Variants in EPN1 observed in about 807,000 individuals in gnomAD.
The protein encoded by EPN1 is epsin 1, also known as epsin-1.
EPN1 carries 25 observed loss-of-function variants against 56.9 expected under a neutral mutation model. That is an observed-to-expected ratio of 0.44 (90% CI 0.32 to 0.61). The LOEUF is 0.61. Among genes scored for constraint, EPN1 ranks in the 20% least tolerant of loss-of-function variants. The probability of loss-of-function intolerance (pLI) is 0.05; values close to 1 mark genes in which losing one functional copy is unlikely to be tolerated. For missense variants in EPN1, 785 were observed against 823.7 expected, an observed-to-expected ratio of 0.95 and a Z score of 0.58; for synonymous variants, 411 against 361.8, an observed-to-expected ratio of 1.14 and a Z score of -1.54.
Position 55,700,959 on chromosome 19 carries a change from G to T in EPN1, c.*5603G>T, listed in dbSNP as rs1463940629. ...CATCCGCAGGGGAGGCAAGCTTAGGGCATCACGTCCAGGAGTGGCCAGGTC... is the reference window on the plus strand; with the variant it reads ...CATCCGCAGGGGAGGCAAGCTTAGGTCATCACGTCCAGGAGTGGCCAGGTC... On this transcript the variant is annotated 3_prime_UTR_variant, in exon 11 of 11. Coordinates refer to ENST00000270460, the MANE Select transcript of EPN1 (RefSeq NM_001130072.2). The T allele has an allele frequency of 6.6e-6, 1 of 152,262 alleles. No homozygotes were observed. Among genetic ancestry groups the T allele is most frequent in the East Asian group, 1.9e-4 (1 of 5,182 alleles). 9.4% of individuals were successfully genotyped at this position (152,262 alleles called of 1,614,324 possible).
At position 55,697,869 on chromosome 19, in the gene EPN1, CTCTT is replaced by C. The variant is rs1986971868; in HGVS notation, c.*2517_*2520del. On this transcript the variant is annotated 3_prime_UTR_variant, in exon 11 of 11. Transcript: ENST00000270460. ...GGCTCCCCCCACTGTGTGTGTATCA[CTCTT>C]TCTACAGCAGATGTGTCTCTCTCCC... 1 of 152,170 alleles carries C rather than the reference CTCTT, an allele frequency of 6.6e-6. No homozygotes were observed. 9.4% of individuals were successfully genotyped at this position (152,170 alleles called of 1,614,324 possible). A position where few individuals can be genotyped will look rare whatever the true frequency, so the allele number is the denominator to read the frequency against.
At chr19:55,683,877 T>A (rs1985992902) in intron 2 of EPN1, among the ~76,000 whole-genome samples, 1 of 152,246 alleles carries the variant, frequency 6.6e-6, no homozygotes, top group Non-Finnish European at 1.5e-5. Flanking sequence ...TGGTGTCTGT[T>A]GGTCCCACAG....
At position 55,703,489 on chromosome 19, in the gene EPN1, A is replaced by G. The variant is rs1290472079; in HGVS notation, c.*8133A>G. On this transcript the variant is annotated 3_prime_UTR_variant, in exon 11 of 11. Transcript: ENST00000270460. ...CAGGTGCCCGCCACCACGCCCAGCT[A>G]ATTTTTGTATTTTTAGTAGAGACGG... 6.6e-6 allele frequency: 1 copy of G among 152,008 alleles called. No individual in the cohort carries two copies. Among genetic ancestry groups the G allele is most frequent in the Non-Finnish European group, 1.5e-5 (1 of 68,044 alleles). The allele number at this position is 152,008 out of a possible 1,614,324, so 9.4% of individuals were successfully genotyped here.
At position 55,700,410 on chromosome 19, in the gene EPN1, CGTG is replaced by C. The variant is rs1987086348; in HGVS notation, c.*5055_*5057del. The stretch of plus-strand genomic sequence containing the variant: ...TTCTCCTGACTTGGGACTACAGGTG[CGTG>C]CGACCACAGCCAACTCATTTTTCTG... On this transcript the variant is annotated 3_prime_UTR_variant, in exon 11 of 11. Transcript: ENST00000270460. The C allele has an allele frequency of 6.7e-6, 1 of 150,226 alleles. No homozygotes were observed. The highest frequency in any genetic ancestry group is 2.5e-5 in the African/African-American group (1 of 39,578). The allele number at this position is 150,226 out of a possible 1,614,324, so 9.3% of individuals were successfully genotyped here. A position where few individuals can be genotyped will look rare whatever the true frequency, so the allele number is the denominator to read the frequency against.
chr19:55,705,814 T>TATATATATATATATTTAGAGTGTTGTGGG lies in EPN1; in HGVS notation c.*10479_*10507dup, dbSNP rs933183153. ...GGAATATTTGTTGTTGTGGGATATA[T>TATATATATATATATTTAGAGTGTTGTGGG]ATATATATATATATTTAGAGTGTTG... On this transcript the variant is annotated 3_prime_UTR_variant, in exon 11 of 11. Transcript: ENST00000270460. 5 of 120,974 alleles carry TATATATATATATATTTAGAGTGTTGTGGG rather than the reference T, an allele frequency of 4.1e-5. No homozygotes were observed. Among genetic ancestry groups the TATATATATATATATTTAGAGTGTTGTGGG allele is most frequent in the Non-Finnish European group, 8.3e-5 (5 of 59,886 alleles). 7.5% of individuals were successfully genotyped at this position (120,974 alleles called of 1,614,324 possible).
At chr19:55,690,429 G>A (rs1600105907) in intron 6 of EPN1, among the ~76,000 whole-genome samples, 1 of 152,276 alleles carries the variant, frequency 6.6e-6, no homozygotes. Flanking sequence ...ATGCTCTGCA[G>A]CTGAGTAGCA....
chr19:55,678,841 C>T lies in EPN1; in HGVS notation c.214C>T (p.Arg72Cys). The change falls in exon 2 of 11, where the codon CGT becomes TGT. Residue 72 changes from arginine to cysteine, a missense_variant. Arg to Cys is a radical substitution (Grantham distance 180, BLOSUM62 -3). Coordinates refer to ENST00000270460, the MANE Select transcript of EPN1 (RefSeq NM_001130072.2). ...GCTCAATGACCATGGCAAGAACTGG[C>T]GTCACGTTTACAAGGTCAGCATCCT... ...KRLNDHGKNW[R>C]HVYKAMTLME... is the part of the protein sequence containing the mutation. 1.2e-6 allele frequency: 2 copies of T among 1,610,120 alleles called. No homozygotes were observed. The highest frequency in any genetic ancestry group is 1.1e-5 in the South Asian group (1 of 90,786).
chr19:55,693,066 G>T (rs757693956), intron 9 of EPN1, 29 bp downstream of exon 9: 1 of 1,597,828 alleles, frequency 6.3e-7, no homozygotes, highest in African/African-American at 1.3e-5. Flanking sequence ...CTGCCCAGTG[G>T]CGAGAGGGAG....
chr19:55,686,937 T>G (rs1261273279), intron 3 of EPN1, among the ~76,000 whole-genome samples: 1 of 151,728 alleles, frequency 6.6e-6, no homozygotes, highest in African/African-American at 2.4e-5. Flanking sequence ...CGTCAGACTT[T>G]GTGCAAGGCC....
chr19:55,695,194 G>T lies in EPN1; in HGVS notation c.1569G>T (p.Ala523=). ...CCGTCACCAACCCCTTCCAGCCCGC[G>T]CCTCCCGCGACGCTCACCCTGAACC... is the stretch of plus-strand genomic sequence containing the variant. ...GPSVTNPFQP[A]PPATLTLNQL... The change falls in exon 11 of 11, where the codon GCG becomes GCT. Residue 523 remains alanine (A), a synonymous_variant. Coordinates refer to ENST00000270460, the MANE Select transcript of EPN1 (RefSeq NM_001130072.2). This position sits in a 1 kb window ranked among gnomAD's most constrained non-coding sequence, Gnocchi z 4.4. The T allele has an allele frequency of 6.2e-7, 1 of 1,613,560 alleles. No homozygotes were observed. Among genetic ancestry groups the T allele is most frequent in the Non-Finnish European group, 8.5e-7 (1 of 1,179,812 alleles).
At chr19:55,681,325 C>T (rs1985806169) in intron 2 of EPN1, among the ~76,000 whole-genome samples, 1 of 152,148 alleles carries the variant, frequency 6.6e-6, no homozygotes, top group South Asian at 2.1e-4. Flanking sequence ...CCTCTGTTTT[C>T]CAGATGAGGG....
At position 55,706,454 on chromosome 19, in the gene EPN1, C is replaced by T. The variant is rs1987422668; in HGVS notation, c.*11098C>T. 1 of 151,956 alleles carries T rather than the reference C, an allele frequency of 6.6e-6. No individual in the cohort carries two copies. The highest frequency in any genetic ancestry group is 1.5e-5 in the Non-Finnish European group (1 of 68,164). 9.4% of individuals were successfully genotyped at this position (151,956 alleles called of 1,614,324 possible). A position where few individuals can be genotyped will look rare whatever the true frequency, so the allele number is the denominator to read the frequency against. On this transcript the variant is annotated 3_prime_UTR_variant, in exon 11 of 11. Coordinates refer to ENST00000270460, the MANE Select transcript of EPN1 (RefSeq NM_001130072.2). ...ATCACCTGAGGTTGGGAGTTCGAGACCAGCCTGGCCGACATGGCAAAACCC... is the reference window on the plus strand; with the variant it reads ...ATCACCTGAGGTTGGGAGTTCGAGATCAGCCTGGCCGACATGGCAAAACCC...
Position 55,691,854 on chromosome 19 carries a change from C to G in EPN1, c.863C>G (p.Thr288Arg), listed in dbSNP as rs201350777. The change falls in exon 7 of 11, where the codon ACG becomes AGG. Residue 288 changes from threonine to arginine, a missense_variant. Transcript: ENST00000270460. The surrounding 1 kb of genome is among the most constrained non-coding windows in gnomAD (Gnocchi z 5.6). ...GCACCCATGGCTGCTGCCGTCCCCA[C>G]GGCTGCCCCCACCTCGGACCCCTGG... is the stretch of plus-strand genomic sequence containing the variant. ...GPAPMAAAVP[T>R]AAPTSDPWGG... The G allele has an allele frequency of 1.0e-5, 16 of 1,605,204 alleles. No homozygotes were observed. In the South Asian group the frequency reaches 1.1e-4, roughly 11 times the overall value.
intron 6 of EPN1, 103 bp downstream of exon 6, chr19:55,690,053 A>G (rs564980731): frequency 8.8e-7 from 1 of 1,135,126 alleles, no homozygotes; most frequent in Non-Finnish European, 1.3e-6. Context: ...CTGAAACACA[A>G]GGTCCTGGAG....
rs1179284154 is a variant in EPN1, at chr19:55,704,830, G to C, written c.*9474G>C. 1 of 152,352 alleles carries C rather than the reference G, an allele frequency of 6.6e-6. No individual in the cohort carries two copies. The highest frequency in any genetic ancestry group is 1.5e-5 in the Non-Finnish European group (1 of 68,128). 9.4% of individuals were successfully genotyped at this position (152,352 alleles called of 1,614,324 possible). Reference sequence around the variant, plus strand: ...TTCCTTCTGTAATACAGACAACAGAGACAGGAGATGGCCTGGCCCCACTTC... The same window carrying C: ...TTCCTTCTGTAATACAGACAACAGACACAGGAGATGGCCTGGCCCCACTTC... On this transcript the variant is annotated 3_prime_UTR_variant, in exon 11 of 11. Coordinates refer to ENST00000270460, the MANE Select transcript of EPN1 (RefSeq NM_001130072.2).
chr19:55,709,191 T>C lies in EPN1; in HGVS notation c.*13835T>C. ...TTGTACTGAATTTGAAAAACAAGCA[T>C]GAATCTTTCCTATAGGATAGGAAGC... On this transcript the variant is annotated 3_prime_UTR_variant, in exon 11 of 11. Coordinates refer to ENST00000270460, the MANE Select transcript of EPN1 (RefSeq NM_001130072.2). 1 of 545,310 alleles carries C rather than the reference T, an allele frequency of 1.8e-6. No homozygotes were observed. The highest frequency in any genetic ancestry group is 3.4e-5 in the South Asian group (1 of 29,740). The allele number at this position is 545,310 out of a possible 1,614,324, so 33.8% of individuals were successfully genotyped here.
chr19:55,676,418 C>T (rs1004292476), intron 1 of EPN1, among the ~76,000 whole-genome samples: 1 of 152,142 alleles, frequency 6.6e-6, no homozygotes, highest in African/African-American at 2.4e-5. Context: ...CTTTGATGTG[C>T]TAGTTGGGTA....
intron 3 of EPN1, among the ~76,000 whole-genome samples, chr19:55,687,727 G>T (rs1986261596): frequency 6.6e-6 from 1 of 152,132 alleles, no homozygotes; most frequent in African/African-American, 2.4e-5. Flanking sequence ...GTCAATCCCT[G>T]CTGGTTCTCT....
Position 55,708,748 on chromosome 19 carries a change from A to G in EPN1, c.*13392A>G, listed in dbSNP as rs1419895079. Reference sequence around the variant, plus strand: ...CGAGGCAAAGACAATCAGCATGTACACTGAATCACACTCCATAATCATATT... The same window carrying G: ...CGAGGCAAAGACAATCAGCATGTACGCTGAATCACACTCCATAATCATATT... On this transcript the variant is annotated 3_prime_UTR_variant, in exon 11 of 11. Coordinates refer to ENST00000270460, the MANE Select transcript of EPN1 (RefSeq NM_001130072.2). The G allele has an allele frequency of 3.9e-6, 2 of 509,222 alleles. No homozygotes were observed. The allele number at this position is 509,222 out of a possible 1,614,324, so 31.5% of individuals were successfully genotyped here.
Sources: allele counts gnomAD v4.1 joint callset (sites outside exome capture counted in the v4.1 genomes callset), GRCh38; gene constraint gnomAD v4.1.1; non-coding constraint Gnocchi (gnomAD v3.1); transcripts MANE v1.5; gene names NCBI Gene and HGNC (gene_info 2026-07-23, HGNC 2026-07-21).